Variants in IGF1R observed in about 807,000 individuals in gnomAD.
IGF1R encodes insulin-like growth factor 1 receptor.
Under a neutral mutation model 144.6 loss-of-function variants are expected in IGF1R, and 44 were observed. The observed-to-expected ratio is 0.30, with a 90% CI of 0.24 to 0.39. The LOEUF (loss-of-function observed/expected upper bound fraction) is 0.39, where lower values mean the gene tolerates loss of function less well. Ranked by LOEUF, IGF1R falls within the 10% of genes least tolerant of loss-of-function variation. The probability of loss-of-function intolerance (pLI) is 1.00; values close to 1 mark genes in which losing one functional copy is unlikely to be tolerated. For missense variants in IGF1R, 1,355 were observed against 1,833.7 expected, an observed-to-expected ratio of 0.74 and a Z score of 4.77; for synonymous variants, 795 against 722.8, an observed-to-expected ratio of 1.10 and a Z score of -1.60.
intron 2 of IGF1R, among the ~76,000 whole-genome samples, chr15:98,729,490 A>G (rs1468886567): frequency 6.6e-6 from 1 of 151,022 alleles, no homozygotes. Context: ...AGTAGGTGTT[A>G]TCTGGACAAT....
chr15:98,890,868 A>G (rs1392465131), intron 2 of IGF1R: 1 of 237,362 alleles, frequency 4.2e-6, no homozygotes. Context: ...TCTGCACACT[A>G]AGGCTTTAAA....
chr15:98,762,229 T>A (rs879278629), intron 2 of IGF1R, among the ~76,000 whole-genome samples: 8,349 of 126,524 alleles, frequency 0.066, 281 homozygotes, highest in East Asian at 0.15. Context: ...TTTTCTTTTC[T>A]TTTCTTTTCT....
chr15:98,840,575 A>G (rs890956837), intron 2 of IGF1R, among the ~76,000 whole-genome samples: 2 of 152,134 alleles, frequency 1.3e-5, no homozygotes, highest in African/African-American at 4.8e-5. Context: ...TCAGCCTCCC[A>G]AGTGGCTGGG....
At chr15:98,665,314 G>GCTTC (rs1393310632) in intron 1 of IGF1R, among the ~76,000 whole-genome samples, 2 of 152,154 alleles carry the variant, frequency 1.3e-5, no homozygotes, top group East Asian at 3.9e-4. Flanking sequence ...TAGCAGCACA[G>GCTTC]CTTCCTCCTT....
intron 1 of IGF1R, among the ~76,000 whole-genome samples, chr15:98,683,667 C>G (rs1425558726): frequency 3.3e-5 from 5 of 152,220 alleles, no homozygotes; most frequent in African/African-American, 1.2e-4. Flanking sequence ...GTGCATCTGA[C>G]AAGCCCATTT....
At chr15:98,769,338 AG>A (rs1212143030) in intron 2 of IGF1R, among the ~76,000 whole-genome samples, 2 of 152,150 alleles carry the variant, frequency 1.3e-5, no homozygotes, top group Non-Finnish European at 2.9e-5. Flanking sequence ...TTTTGCTCTA[AG>A]GGGTATAAGG....
intron 2 of IGF1R, among the ~76,000 whole-genome samples, chr15:98,890,985 C>G (rs902149315): frequency 6.6e-6 from 1 of 152,180 alleles, no homozygotes; most frequent in African/African-American, 2.4e-5. Flanking sequence ...ACTGGCTGAC[C>G]CACGCCTGAG....
rs947842977 is a variant in IGF1R, at chr15:98,924,445, C to T, written c.2623-80C>T. The T allele has an allele frequency of 2.2e-5, 29 of 1,337,612 alleles. No individual in the cohort carries two copies. The South Asian group carries it at 2.5e-4, about 11-fold the overall frequency. 82.9% of individuals were successfully genotyped at this position (1,337,612 alleles called of 1,614,324 possible). A position where few individuals can be genotyped will look rare whatever the true frequency, so the allele number is the denominator to read the frequency against. ...GGTCAGATCAGGCAGCTGGAGTCCC[C>T]AGTGTGGTGAGTTTAGTTGGCAGGC... On this transcript the variant is annotated intron_variant, in intron 12 of 20. Transcript: ENST00000650285.
intron 2 of IGF1R, among the ~76,000 whole-genome samples, chr15:98,739,099 A>G (rs749475231): frequency 7.9e-5 from 12 of 152,170 alleles, no homozygotes; most frequent in Non-Finnish European, 2.9e-5. Flanking sequence ...TGTGTTCACT[A>G]TTTTTATGCT....
In IGF1R at chr15:98,960,498, C is replaced by A. The variant is rs1041156531; in HGVS notation, c.*3056C>A. ...TTTCGTCCTTAAGAGAGCAGTGGTTCCTCAGGTTCTGAGGAGAGGAAGGTG... is the reference window on the plus strand; with the variant it reads ...TTTCGTCCTTAAGAGAGCAGTGGTTACTCAGGTTCTGAGGAGAGGAAGGTG... On this transcript the variant is annotated 3_prime_UTR_variant, in exon 21 of 21. Transcript: ENST00000650285. The A allele has an allele frequency of 4.3e-6, 1 of 233,344 alleles. No homozygotes were observed. Among genetic ancestry groups the A allele is most frequent in the Non-Finnish European group, 8.5e-6 (1 of 118,076 alleles). 14.5% of individuals were successfully genotyped at this position (233,344 alleles called of 1,614,324 possible).
intron 2 of IGF1R, among the ~76,000 whole-genome samples, chr15:98,853,213 A>G (rs1285001447): frequency 1.3e-5 from 2 of 152,210 alleles, no homozygotes; most frequent in African/African-American, 4.8e-5. Flanking sequence ...CCTTTAAAAA[A>G]AAGAAGGGGG....
intron 2 of IGF1R, among the ~76,000 whole-genome samples, chr15:98,798,626 A>G (rs1449393168): frequency 6.6e-6 from 1 of 152,164 alleles, no homozygotes; most frequent in Admixed American, 6.5e-5. Flanking sequence ...GTCTGGAAGC[A>G]CCAGCAAGAC....
intron 3 of IGF1R, among the ~76,000 whole-genome samples, chr15:98,893,194 G>A (rs779679221): frequency 4.6e-5 from 7 of 152,174 alleles, no homozygotes; most frequent in Non-Finnish European, 8.8e-5. Context: ...AGTACATTGA[G>A]GAAGTGTTTA....
chr15:98,727,856 C>T (rs1238526666), intron 2 of IGF1R, among the ~76,000 whole-genome samples: 1 of 152,114 alleles, frequency 6.6e-6, no homozygotes, highest in Non-Finnish European at 1.5e-5. Flanking sequence ...CGAAGGAATG[C>T]GGGCCAGGCC....
intron 2 of IGF1R, among the ~76,000 whole-genome samples, chr15:98,776,117 A>AGG (rs962811010): frequency 1.9e-4 from 29 of 152,184 alleles, no homozygotes; most frequent in African/African-American, 6.7e-4. Context: ...AAACTCCCGA[A>AGG]GGGAGGGTGG....
chr15:98,906,963 T>C lies in IGF1R; in HGVS notation c.1248-1722T>C, dbSNP rs72752854. Reference sequence around the variant, plus strand: ...AGAGAGCCCAGTGCTCAGGAAAGGGTTGGGCTTCAGGCTTGTGATGCAGAT... The same window carrying C: ...AGAGAGCCCAGTGCTCAGGAAAGGGCTGGGCTTCAGGCTTGTGATGCAGAT... On this transcript the variant is annotated intron_variant, in intron 5 of 20. Coordinates refer to ENST00000650285, the MANE Select transcript of IGF1R (RefSeq NM_000875.5). Among the ~76,000 whole-genome samples, 829 of 152,270 alleles carry C rather than the reference T, an allele frequency of 5.4e-3. 1 individual carries two copies. Among genetic ancestry groups the C allele is most frequent in the Non-Finnish European group, 8.8e-3 (596 of 67,994 alleles).
chr15:98,803,275 A>G (rs969557850), intron 2 of IGF1R, among the ~76,000 whole-genome samples: 1 of 152,188 alleles, frequency 6.6e-6, no homozygotes, highest in Admixed American at 6.5e-5. Flanking sequence ...GCTGTAGGCA[A>G]TGGTAACACA....
chr15:98,824,626 A>G (rs917798339), intron 2 of IGF1R, among the ~76,000 whole-genome samples: 5 of 152,214 alleles, frequency 3.3e-5, no homozygotes, highest in African/African-American at 1.2e-4. Context: ...AGGTTCTGCC[A>G]AAAGGCTGGG....
rs931058847 is a variant in IGF1R at position 98,699,085 on chromosome 15, T to C, written c.95-8477T>C. On this transcript the variant is annotated intron_variant, in intron 1 of 20. Transcript: ENST00000650285. ...CTGGTTCTGAGAAGAAAGTTGAAAG[T>C]CACGAGAGAGAGGGAAAGGAAGGCA... is the stretch of plus-strand genomic sequence containing the variant. 2.6e-5 allele frequency among the ~76,000 whole-genome samples: 4 copies of C among 152,194 alleles called. 1 individual carries two copies. Among genetic ancestry groups the C allele is most frequent in the Admixed American group, 2.6e-4 (4 of 15,272 alleles).
Sources: allele counts gnomAD v4.1 joint callset (sites outside exome capture counted in the v4.1 genomes callset), GRCh38; gene constraint gnomAD v4.1.1; transcripts MANE v1.5; gene names NCBI Gene and HGNC (gene_info 2026-07-23, HGNC 2026-07-21).